CLASP2: variants seen among roughly 807,000 people sequenced by gnomAD.
The protein encoded by CLASP2 is CLIP-associating protein 2.
A neutral mutation model predicts 194.4 loss-of-function variants in CLASP2; 47 were observed. The observed-to-expected ratio is 0.24, with a 90% CI of 0.19 to 0.31. The LOEUF (loss-of-function observed/expected upper bound fraction) is 0.31. Among genes scored for constraint, CLASP2 ranks in the 10% least tolerant of loss-of-function variants. CLASP2 has a pLI of 1.00. For synonymous variants in CLASP2, 619 were observed against 633.5 expected (o/e 0.98, Z 0.34); for missense variants, 1,445 against 1,823.6 (o/e 0.79, Z 3.78).
intron 20 of CLASP2, among the ~76,000 whole-genome samples, chr3:33,594,187 T>TA (rs2154241541): frequency 6.6e-6 from 1 of 152,242 alleles, no homozygotes; most frequent in South Asian, 2.1e-4. Flanking sequence ...AAACTTAAAA[T>TA]ACAAAATTAT....
intron 29 of CLASP2, among the ~76,000 whole-genome samples, chr3:33,557,124 A>C (rs1456942436): frequency 6.6e-6 from 1 of 151,118 alleles, no homozygotes; most frequent in Non-Finnish European, 1.5e-5. Context: ...CAGGTGCCCA[A>C]CATCACCCCT....
chr3:33,577,840 T>C (rs1576674802), intron 23 of CLASP2, among the ~76,000 whole-genome samples: 1 of 152,298 alleles, frequency 6.6e-6, no homozygotes, highest in East Asian at 1.9e-4. Flanking sequence ...CTTCTAACAT[T>C]TGAAAACACA....
intron 34 of CLASP2, among the ~76,000 whole-genome samples, chr3:33,532,970 G>A (rs550547438): frequency 1.3e-5 from 2 of 152,116 alleles, no homozygotes; most frequent in South Asian, 4.1e-4. Context: ...ACTTTCAAAT[G>A]TTTCATGAAG....
Position 33,551,262 on chromosome 3 carries a change from T to G in CLASP2, c.3143A>C (p.Asp1048Ala). The G allele has an allele frequency of 6.2e-7, 1 of 1,612,714 alleles. No homozygotes were observed. Reference protein sequence around the residue: ...ITWTTEPKSSDVRKAAQSVLI... With the variant: ...ITWTTEPKSSAVRKAAQSVLI... The stretch of plus-strand genomic sequence containing the variant: ...CATATTAAAATATACCTTCCGAACA[T>G]CAGAACTTTTGGGTTCTGTTGTCCA... Residue 1048 changes from aspartate to alanine, a missense_variant, in exon 30 of 39, where the codon GAT (aspartate) becomes GCT (alanine). This residue lies in a region of CLASP2 where 732 missense variants were observed against 987.9 expected (regional missense o/e 0.74). Transcript: ENST00000682230.
At chr3:33,701,796 CATCATTTACAAAA>C (rs1414767288) in intron 1 of CLASP2, among the ~76,000 whole-genome samples, 6 of 152,168 alleles carry the variant, frequency 3.9e-5, no homozygotes, top group African/African-American at 1.4e-4. Context: ...CTATACATCA[CATCATTTACAAAA>C]ATCAACTCAA....
Position 33,708,580 on chromosome 3 carries a change from A to C in CLASP2, c.195+9228T>G, listed in dbSNP as rs561032481. Among the ~76,000 whole-genome samples the C allele has an allele frequency of 6.1e-3, 887 of 145,738 alleles. 4 individuals are homozygous for C. The highest frequency in any genetic ancestry group is 0.018 in the African/African-American group (707 of 39,368). On this transcript the variant is annotated intron_variant, in intron 1 of 38. Transcript: ENST00000682230. ...TATATATACATACACACACACACAC[A>C]CCCCCCACATTTTCTTTATCCATTC... is the stretch of plus-strand genomic sequence containing the variant.
At chr3:33,536,489 G>A (rs1576069326) in intron 33 of CLASP2, among the ~76,000 whole-genome samples, 1 of 152,174 alleles carries the variant, frequency 6.6e-6, no homozygotes, top group Non-Finnish European at 1.5e-5. Flanking sequence ...AAGCAGGAAC[G>A]TGCATAGTAA....
chr3:33,577,332 G>C (rs1336254781), intron 23 of CLASP2: 1 of 1,288,400 alleles, frequency 7.8e-7, no homozygotes, highest in Non-Finnish European at 1.1e-6. Context: ...CAGCACTACT[G>C]TCAGGCAAGG....
intron 7 of CLASP2, chr3:33,659,160 A>G (rs2084851640): frequency 2.9e-6 from 4 of 1,386,984 alleles, no homozygotes; most frequent in Non-Finnish European, 3.7e-6. Flanking sequence ...CTGCTACTCC[A>G]CTTCAAAATA....
chr3:33,573,318 T>C lies in CLASP2; in HGVS notation c.2491A>G (p.Met831Val). 1 of 1,613,566 alleles carries C rather than the reference T, an allele frequency of 6.2e-7. No homozygotes were observed. Residue 831 changes from methionine (M) to valine (V), a missense_variant, in exon 25 of 39, where the codon ATG becomes GTG. Transcript: ENST00000682230. ...CTGTTGGCGTCATCATCTGAATGCA[T>C]TCCATATGATTCATATCTTCTTCGA... The part of the protein sequence containing the change: ...PARRRYESYG[M>V]HSDDDANSDA...
At chr3:33,636,923 A>G (rs2080255606) in intron 8 of CLASP2, among the ~76,000 whole-genome samples, 1 of 152,230 alleles carries the variant, frequency 6.6e-6, no homozygotes, top group Non-Finnish European at 1.5e-5. Flanking sequence ...TAAAGACAAA[A>G]TCACCTGAGA....
chr3:33,639,015 G>GT (rs1342221038), intron 8 of CLASP2, among the ~76,000 whole-genome samples: 3 of 152,148 alleles, frequency 2.0e-5, no homozygotes, highest in African/African-American at 7.2e-5. Flanking sequence ...TAATGGGCAG[G>GT]TACTATATCT....
At chr3:33,641,984 A>G (rs1307671370) in intron 8 of CLASP2, among the ~76,000 whole-genome samples, 3 of 152,018 alleles carry the variant, frequency 2.0e-5, no homozygotes, top group African/African-American at 7.2e-5. Flanking sequence ...TCCAGAAAAC[A>G]GAATAGTCAT....
intron 22 of CLASP2, among the ~76,000 whole-genome samples, chr3:33,582,414 G>A (rs2066358638): frequency 6.6e-6 from 1 of 152,140 alleles, no homozygotes; most frequent in African/African-American, 2.4e-5. Flanking sequence ...CAGCAACATG[G>A]GTAGGTGAGT....
chr3:33,627,376 T>C (rs2078239241), intron 9 of CLASP2: 1 of 350,434 alleles, frequency 2.9e-6, no homozygotes, highest in Non-Finnish European at 5.3e-6. Context: ...AATAAAAGTC[T>C]AATTTCTCAA....
intron 5 of CLASP2, among the ~76,000 whole-genome samples, chr3:33,685,484 C>A (rs950375408): frequency 3.2e-4 from 49 of 151,580 alleles, no homozygotes; most frequent in Non-Finnish European, 1.9e-4. Flanking sequence ...GTGGCCTGAA[C>A]TCAAACAGAT....
chr3:33,579,718 A>G (rs771211510), intron 23 of CLASP2, among the ~76,000 whole-genome samples: 1 of 152,168 alleles, frequency 6.6e-6, no homozygotes, highest in Non-Finnish European at 1.5e-5. Flanking sequence ...ATGAGTCTCC[A>G]AAACAATCCT....
intron 8 of CLASP2, among the ~76,000 whole-genome samples, chr3:33,633,671 C>T (rs1185153927): frequency 6.6e-6 from 1 of 151,416 alleles, no homozygotes; most frequent in Non-Finnish European, 1.5e-5. Flanking sequence ...ACAAAGATGA[C>T]CAATCAACAA....
chr3:33,519,472 A>G (rs2052351346), intron 34 of CLASP2, among the ~76,000 whole-genome samples: 1 of 152,168 alleles, frequency 6.6e-6, no homozygotes, highest in Non-Finnish European at 1.5e-5. Context: ...CTTTTGCTAA[A>G]TTTTAGATTT....
Sources: allele counts gnomAD v4.1 joint callset (sites outside exome capture counted in the v4.1 genomes callset), GRCh38; gene constraint gnomAD v4.1.1; regional missense constraint gnomAD v4.1.1; transcripts MANE v1.5; gene names NCBI Gene and HGNC (gene_info 2026-07-23, HGNC 2026-07-21).